VWA2: variants seen among roughly 807,000 people sequenced by gnomAD.
VWA2 encodes von Willebrand factor A domain-containing protein 2.
VWA2 carries 73 observed loss-of-function variants against 70.4 expected under a neutral mutation model. That is an observed-to-expected ratio of 1.04 (90% CI 0.86 to 1.26). The LOEUF (loss-of-function observed/expected upper bound fraction) is 1.26. Ranked by LOEUF, VWA2 falls within the 50% of genes most tolerant of loss-of-function variation. VWA2 has a pLI of 0.00. For synonymous variants in VWA2, 407 were observed against 423.3 expected (o/e 0.96, Z 0.47); for missense variants, 1,011 against 998.5 (o/e 1.01, Z -0.17).
At position 114,286,193 on chromosome 10, in the gene VWA2, G is replaced by T. The variant is rs143713574; in HGVS notation, c.1252G>T (p.Gly418Cys). 1 of 1,613,926 alleles carries T rather than the reference G, an allele frequency of 6.2e-7. No individual in the cohort carries two copies. The highest frequency in any genetic ancestry group is 1.3e-5 in the African/African-American group (1 of 74,946). The change falls in exon 11 of 14, where the codon GGC becomes TGC. Residue 418 changes from glycine (G) to cysteine (C), a missense_variant. By Grantham distance (159) the Gly-to-Cys change is radical. Coordinates refer to ENST00000392982, the MANE Select transcript of VWA2 (RefSeq NM_001272046.2). ...WSLDGIPFRG[G>C]PTLTGSALRQ... is the part of the protein sequence containing the mutation. ...CCTCGATGGCATTCCCTTCCGTGGT[G>T]GCCCCACCCTGACGGGCAGTGCCTT... is the stretch of plus-strand genomic sequence containing the variant.
chr10:114,244,276 T>G (rs916829709), intron 1 of VWA2, among the ~76,000 whole-genome samples: 2 of 152,228 alleles, frequency 1.3e-5, no homozygotes, highest in Non-Finnish European at 2.9e-5. Context: ...CTCTAGTTCA[T>G]AGCCTGTTTT....
chr10:114,265,307 A>G (rs570554586), intron 5 of VWA2, among the ~76,000 whole-genome samples: 1 of 152,342 alleles, frequency 6.6e-6, no homozygotes, highest in Admixed American at 6.5e-5. Context: ...TGCAGTATGC[A>G]TTTTCGGAGG....
At chr10:114,245,285 CAT>C (rs1354743104) in intron 1 of VWA2, among the ~76,000 whole-genome samples, 1 of 152,200 alleles carries the variant, frequency 6.6e-6, no homozygotes, top group Admixed American at 6.5e-5. Context: ...AAGTTGGTCT[CAT>C]AGCACGGAGG....
chr10:114,254,497 C>G (rs1274142862), intron 3 of VWA2, among the ~76,000 whole-genome samples: 1 of 152,180 alleles, frequency 6.6e-6, no homozygotes, highest in Non-Finnish European at 1.5e-5. Flanking sequence ...CTTCCACCCT[C>G]ATCAGTATCC....
At chr10:114,279,232 CCTCAGATGAATT>C (rs2037937579) in intron 8 of VWA2, among the ~76,000 whole-genome samples, 1 of 152,156 alleles carries the variant, frequency 6.6e-6, no homozygotes, top group East Asian at 1.9e-4. Context: ...GGATAGAGAT[CCTCAGATGAATT>C]CCAGTCAGGG....
chr10:114,258,493 A>C (rs936884385), intron 4 of VWA2, among the ~76,000 whole-genome samples: 3 of 152,216 alleles, frequency 2.0e-5, no homozygotes, highest in Non-Finnish European at 2.9e-5. Context: ...ACTGAAGATA[A>C]AAGGCAACTA....
At chr10:114,264,783 G>A (rs1400169125) in intron 5 of VWA2, among the ~76,000 whole-genome samples, 2 of 151,024 alleles carry the variant, frequency 1.3e-5, no homozygotes, top group South Asian at 2.1e-4. Context: ...GCAATGGCAC[G>A]ATCTTGGCTC....
chr10:114,255,175 G>GTTCCT (rs997039684), intron 4 of VWA2, 127 bp downstream of exon 4: 3 of 1,211,440 alleles, frequency 2.5e-6, no homozygotes, highest in Non-Finnish European at 3.5e-6. Flanking sequence ...CTGAATCCTG[G>GTTCCT]TTCCTGGCAT....
chr10:114,245,982 C>T, intron 1 of VWA2: 1 of 514,144 alleles, frequency 1.9e-6, no homozygotes, highest in Non-Finnish European at 3.7e-6. Context: ...TGGAAATAAC[C>T]ACACAGTCTG....
At chr10:114,253,027 C>T (rs2037231105) in intron 2 of VWA2, among the ~76,000 whole-genome samples, 1 of 151,376 alleles carries the variant, frequency 6.6e-6, no homozygotes, top group Admixed American at 6.6e-5. Context: ...TACCTCTCTT[C>T]TGCTGCTAGA....
At chr10:114,241,958 C>G (rs902718420) in intron 1 of VWA2, among the ~76,000 whole-genome samples, 1 of 139,798 alleles carries the variant, frequency 7.2e-6, no homozygotes, top group Non-Finnish European at 1.5e-5. Context: ...TGTGTGCATT[C>G]CCTGCAAAAT....
chr10:114,280,878 A>G (rs1463990647), intron 8 of VWA2: 2 of 152,114 alleles, frequency 1.3e-5, no homozygotes, highest in East Asian at 1.9e-4. Context: ...AGTTGGGACT[A>G]CAGACACGCA....
chr10:114,289,612 C>A, intron 12 of VWA2, 123 bp downstream of exon 12: 1 of 1,136,280 alleles, frequency 8.8e-7, no homozygotes, highest in Non-Finnish European at 1.3e-6. Context: ...TTCCCAAGTG[C>A]CAGGTTCTGT....
chr10:114,271,163 C>T (rs1032633096), intron 5 of VWA2, among the ~76,000 whole-genome samples: 2 of 152,090 alleles, frequency 1.3e-5, no homozygotes, highest in African/African-American at 4.8e-5. Context: ...GTTATACTTC[C>T]TGGTCTCCAT....
intron 5 of VWA2, among the ~76,000 whole-genome samples, chr10:114,265,020 A>G (rs1408257830): frequency 1.3e-5 from 2 of 152,224 alleles, no homozygotes; most frequent in Non-Finnish European, 2.9e-5. Flanking sequence ...ATGCCTGGCC[A>G]TGATTCTACT....
At chr10:114,266,408 A>G (rs2037567358) in intron 5 of VWA2, among the ~76,000 whole-genome samples, 1 of 152,162 alleles carries the variant, frequency 6.6e-6, no homozygotes, top group Non-Finnish European at 1.5e-5. Flanking sequence ...GTCAGGGAGA[A>G]TGGGGTATCC....
chr10:114,277,783 C>G lies in VWA2; in HGVS notation c.567-131C>G, dbSNP rs149642983. ...CCATTCCGGTTAACTGTTTTCCTCA[C>G]CAGCTATGGGTCTGACAAAACCAGA... On this transcript the variant is annotated intron_variant, in intron 6 of 13. Coordinates refer to ENST00000392982, the MANE Select transcript of VWA2 (RefSeq NM_001272046.2). 2.7e-4 allele frequency: 325 copies of G among 1,193,214 alleles called. No homozygotes were observed. In the East Asian group the frequency reaches 9.2e-3, roughly 34 times the overall value. The allele number at this position is 1,193,214 out of a possible 1,614,324, so 73.9% of individuals were successfully genotyped here. A position where few individuals can be genotyped will look rare whatever the true frequency, so the allele number is the denominator to read the frequency against.
intron 4 of VWA2, among the ~76,000 whole-genome samples, chr10:114,257,374 A>C (rs929228035): frequency 5.9e-5 from 9 of 152,356 alleles, no homozygotes; most frequent in South Asian, 2.1e-4. Context: ...AAGAAGCATG[A>C]AGATTAAACA....
At chr10:114,246,724 T>G in intron 1 of VWA2, 1 of 1,527,736 alleles carries the variant, frequency 6.5e-7, no homozygotes, top group Non-Finnish European at 9.1e-7. Flanking sequence ...TTAGGAATCG[T>G]GCAGGGGGAG....
Sources: allele counts gnomAD v4.1 joint callset (sites outside exome capture counted in the v4.1 genomes callset), GRCh38; gene constraint gnomAD v4.1.1; transcripts MANE v1.5; gene names NCBI Gene and HGNC (gene_info 2026-07-23, HGNC 2026-07-21).